MCUB: variants seen among roughly 807,000 people sequenced by gnomAD.
The protein encoded by MCUB is mitochondrial calcium uniporter dominant negative subunit beta.
A neutral mutation model predicts 41.4 loss-of-function variants in MCUB; 46 were observed. The ratio of observed to expected loss-of-function variants is 1.11; its 90% CI spans 0.88 to 1.42. The LOEUF (loss-of-function observed/expected upper bound fraction) is 1.42. MCUB is among the 40% of genes most tolerant of loss of function. The pLI is 0.00. For missense variants in MCUB, 403 were observed against 404.9 expected (o/e 1.00, Z 0.04); for synonymous variants, 148 against 148.2 (o/e 1.00, Z 0.01).
chr4:109,637,873 G>A (rs568224962), intron 1 of MCUB, among the ~76,000 whole-genome samples: 1 of 152,202 alleles, frequency 6.6e-6, no homozygotes, highest in African/African-American at 2.4e-5. Flanking sequence ...AATACGACCT[G>A]TTCCCAAAAC....
intron 1 of MCUB, among the ~76,000 whole-genome samples, chr4:109,594,050 C>T (rs1727498623): frequency 6.6e-6 from 1 of 152,184 alleles, no homozygotes. Flanking sequence ...TACTCAGTCT[C>T]ACTAGAGAAG....
intron 1 of MCUB, among the ~76,000 whole-genome samples, chr4:109,603,233 T>C (rs1419845050): frequency 6.6e-6 from 1 of 152,178 alleles, no homozygotes; most frequent in Non-Finnish European, 1.5e-5. Flanking sequence ...GTGCCTGGGA[T>C]TGCAGGCGCG....
chr4:109,603,785 G>A (rs1018557560), intron 1 of MCUB, among the ~76,000 whole-genome samples: 2 of 150,740 alleles, frequency 1.3e-5, no homozygotes, highest in Admixed American at 6.6e-5. Flanking sequence ...GCCCCCGCCC[G>A]GCAGCCTCCC....
At chr4:109,685,755 T>G (rs763572025) in intron 7 of MCUB, among the ~76,000 whole-genome samples, 2 of 152,226 alleles carry the variant, frequency 1.3e-5, no homozygotes, top group African/African-American at 2.4e-5. Flanking sequence ...TATTCCTCCC[T>G]TCATCTTTTT....
At chr4:109,619,956 A>G (rs1460324527) in intron 1 of MCUB, among the ~76,000 whole-genome samples, 1 of 152,118 alleles carries the variant, frequency 6.6e-6, no homozygotes, top group Non-Finnish European at 1.5e-5. Flanking sequence ...CCTACGTCAC[A>G]TAGCTATTGA....
chr4:109,594,265 G>A (rs1420059545), intron 1 of MCUB, among the ~76,000 whole-genome samples: 1 of 152,192 alleles, frequency 6.6e-6, no homozygotes, highest in Non-Finnish European at 1.5e-5. Flanking sequence ...TAGATTCTGT[G>A]AAGGCTGTCA....
chr4:109,600,656 G>C (rs949461300), intron 1 of MCUB, among the ~76,000 whole-genome samples: 1 of 152,116 alleles, frequency 6.6e-6, no homozygotes, highest in African/African-American at 2.4e-5. Context: ...GTAGGAATAG[G>C]CCTGACAGGG....
At chr4:109,603,743 C>T (rs1727802554) in intron 1 of MCUB, among the ~76,000 whole-genome samples, 1 of 151,758 alleles carries the variant, frequency 6.6e-6, no homozygotes, top group Non-Finnish European at 1.5e-5. Flanking sequence ...GCCCCTCCGC[C>T]CGGCAGCTGC....
intron 1 of MCUB, among the ~76,000 whole-genome samples, chr4:109,645,955 A>C (rs1259766956): frequency 6.6e-6 from 1 of 152,158 alleles, no homozygotes; most frequent in Non-Finnish European, 1.5e-5. Context: ...AAGTACATAC[A>C]TCAGCATACA....
chr4:109,587,706 T>C (rs1376410912), intron 1 of MCUB, among the ~76,000 whole-genome samples: 3 of 152,020 alleles, frequency 2.0e-5, no homozygotes, highest in Non-Finnish European at 4.4e-5. Flanking sequence ...TAAGAAACAA[T>C]CATAAAGTAA....
rs138159588 is a variant in MCUB, at chr4:109,659,154, C to T, written c.175+68C>T. ...TCCCTTTCTTCCAAATAAAGAGCTGCGAGAGTTTTGAGCAGAATAGACTTT... is the reference window on the plus strand; with the variant it reads ...TCCCTTTCTTCCAAATAAAGAGCTGTGAGAGTTTTGAGCAGAATAGACTTT... On this transcript the variant is annotated intron_variant, in intron 2 of 7. Transcript: ENST00000394650. 1.8e-5 allele frequency: 17 copies of T among 964,040 alleles called. No individual in the cohort carries two copies. In the Admixed American group the frequency reaches 2.6e-4, roughly 15 times the overall value. The allele number at this position is 964,040 out of a possible 1,614,324, so 59.7% of individuals were successfully genotyped here.
intron 2 of MCUB, 77 bp from the exon 3 acceptor site, chr4:109,660,118 T>A: frequency 1.4e-6 from 1 of 738,150 alleles, no homozygotes. Context: ...GTTTGAGCAT[T>A]CCTTCTAGAA....
At chr4:109,577,598 C>CTTTTTTTTTTTTTTTT (rs71594195) in intron 1 of MCUB, among the ~76,000 whole-genome samples, 2 of 48,662 alleles carry the variant, frequency 4.1e-5, no homozygotes, top group African/African-American at 1.6e-4. Context: ...TACTTGAATT[C>CTTTTTTTTTTTTTTTT]TTTTTTTTTT....
At chr4:109,672,888 G>C (rs1348748621) in intron 4 of MCUB, among the ~76,000 whole-genome samples, 2 of 152,152 alleles carry the variant, frequency 1.3e-5, no homozygotes, top group African/African-American at 4.8e-5. Context: ...GATCCAGGTT[G>C]ACCTTGTACC....
At chr4:109,681,320 GGTTAAA>G (rs1248123642) in intron 4 of MCUB, 1 of 294,176 alleles carries the variant, frequency 3.4e-6, no homozygotes, top group East Asian at 1.1e-4. Flanking sequence ...CAAATAAGTT[GGTTAAA>G]GGTAGTCAAA....
intron 1 of MCUB, among the ~76,000 whole-genome samples, chr4:109,611,037 A>T (rs1397623839): frequency 6.6e-6 from 1 of 152,146 alleles, no homozygotes; most frequent in Non-Finnish European, 1.5e-5. Flanking sequence ...TACAGAAAAG[A>T]GGTAGCCACC....
At chr4:109,669,396 C>T (rs1034846990) in intron 4 of MCUB, among the ~76,000 whole-genome samples, 40 of 150,886 alleles carry the variant, frequency 2.7e-4, no homozygotes, top group Non-Finnish European at 5.5e-4. Flanking sequence ...CTTTTTTTTT[C>T]TCTGCTATAG....
Position 109,582,560 on chromosome 4 carries a change from C to CAAA in MCUB, c.99+22138_99+22140dup, listed in dbSNP as rs35609064. Among the ~76,000 whole-genome samples the CAAA allele has an allele frequency of 3.2e-4, 46 of 143,302 alleles. No homozygotes were observed. In the South Asian group the frequency reaches 4.1e-3, roughly 13 times the overall value. The allele number at this position is 143,302 out of a possible 152,430, so 94.0% of individuals were successfully genotyped here. On this transcript the variant is annotated intron_variant, in intron 1 of 7. Transcript: ENST00000394650. The stretch of plus-strand genomic sequence containing the variant: ...ATTTAAAAAAAAAATCACAGTTTAA[C>CAAA]AAAAAAAAAAAAAAAATCCCATTTG...
intron 4 of MCUB, among the ~76,000 whole-genome samples, chr4:109,678,276 TC>T (rs1729618862): frequency 6.6e-6 from 1 of 152,052 alleles, no homozygotes; most frequent in South Asian, 2.1e-4. Flanking sequence ...TTCCCCCTTT[TC>T]TATTCGACAA....
Sources: allele counts gnomAD v4.1 joint callset (sites outside exome capture counted in the v4.1 genomes callset), GRCh38; gene constraint gnomAD v4.1.1; transcripts MANE v1.5; gene names NCBI Gene and HGNC (gene_info 2026-07-23, HGNC 2026-07-21).